MAP1B: variants seen among roughly 807,000 people sequenced by gnomAD.
The protein encoded by MAP1B is microtubule-associated protein 1B.
A neutral mutation model predicts 176.1 loss-of-function variants in MAP1B; 12 were observed. The ratio of observed to expected loss-of-function variants is 0.07; its 90% confidence interval spans 0.04 to 0.11. The LOEUF (loss-of-function observed/expected upper bound fraction) is 0.11, where lower values mean the gene tolerates loss of function less well. Among genes scored for constraint, MAP1B ranks in the 10% least tolerant of loss-of-function variants. MAP1B has a pLI of 1.00. For synonymous variants in MAP1B, 1,044 were observed against 1,135.0 expected (o/e 0.92, Z 1.61); for missense variants, 2,523 against 2,990.5 (o/e 0.84, Z 3.65).
At chr5:72,131,399 A>G (rs1745730481) in intron 2 of MAP1B, among the ~76,000 whole-genome samples, 1 of 152,132 alleles carries the variant, frequency 6.6e-6, no homozygotes, top group Non-Finnish European at 1.5e-5. Context: ...ATAGGTATAG[A>G]GTACGCAGAT....
At chr5:72,160,648 TG>T (rs1044392366) in intron 2 of MAP1B, among the ~76,000 whole-genome samples, 2 of 152,190 alleles carry the variant, frequency 1.3e-5, no homozygotes, top group Non-Finnish European at 2.9e-5. Context: ...TTCCATTCCT[TG>T]AGACAGATAT....
chr5:72,150,763 T>C (rs550697020), intron 2 of MAP1B, among the ~76,000 whole-genome samples: 2 of 152,346 alleles, frequency 1.3e-5, no homozygotes, highest in East Asian at 3.9e-4. Flanking sequence ...TTTGGTGTTC[T>C]GTTCCTGCAT....
chr5:72,159,355 C>T (rs983972842), intron 2 of MAP1B, among the ~76,000 whole-genome samples: 1 of 152,134 alleles, frequency 6.6e-6, no homozygotes, highest in Admixed American at 6.5e-5. Flanking sequence ...GGACTTATTT[C>T]TTAGGAGTCC....
chr5:72,206,357 G>A lies in MAP1B; in HGVS notation c.*1118G>A, dbSNP rs867918455. ...CCAACAGTTTGATGCTGAGTCATGC[G>A]TGTTGAATCCCACTTCAGTGCACCT... On this transcript the variant is annotated 3_prime_UTR_variant, in exon 7 of 7. Transcript: ENST00000296755. The A allele has an allele frequency of 6.5e-6, 1 of 152,694 alleles. No individual in the cohort carries two copies. Among genetic ancestry groups the A allele is most frequent in the Non-Finnish European group, 1.5e-5 (1 of 68,040 alleles). The allele number at this position is 152,694 out of a possible 1,614,324, so 9.5% of individuals were successfully genotyped here.
At chr5:72,125,398 A>G (rs1159164732) in intron 2 of MAP1B, among the ~76,000 whole-genome samples, 1 of 152,202 alleles carries the variant, frequency 6.6e-6, no homozygotes, top group Non-Finnish European at 1.5e-5. Flanking sequence ...AAAGGAGACA[A>G]TCCTTTCATT....
intron 4 of MAP1B, among the ~76,000 whole-genome samples, chr5:72,188,286 G>C (rs1580014796): frequency 2.0e-5 from 3 of 152,312 alleles, no homozygotes; most frequent in Admixed American, 2.0e-4. Context: ...CATTTGTCTA[G>C]TAGCTCTGGG....
chr5:72,140,329 T>C (rs1470017349), intron 2 of MAP1B, among the ~76,000 whole-genome samples: 1 of 152,202 alleles, frequency 6.6e-6, no homozygotes. Context: ...CATCTAAAAT[T>C]GAAACAAAAG....
rs180905374 is a variant in MAP1B, at chr5:72,205,455, T to A, written c.*216T>A. The A allele has an allele frequency of 1.5e-4, 74 of 501,488 alleles. No individual in the cohort carries two copies. The highest frequency in any genetic ancestry group is 8.6e-4 in the Admixed American group (23 of 26,850). 31.1% of individuals were successfully genotyped at this position (501,488 alleles called of 1,614,324 possible). A position where few individuals can be genotyped will look rare whatever the true frequency, so the allele number is the denominator to read the frequency against. On this transcript the variant is annotated 3_prime_UTR_variant, in exon 7 of 7. Coordinates refer to ENST00000296755, the MANE Select transcript of MAP1B (RefSeq NM_005909.5). ...AGTATTTCCACAATAGGGTTCAAATTCCTGCAAAATTACCTACCCCAGTTC... is the reference window on the plus strand; with the variant it reads ...AGTATTTCCACAATAGGGTTCAAATACCTGCAAAATTACCTACCCCAGTTC...
Position 72,205,437 on chromosome 5 carries a change from C to A in MAP1B, c.*198C>A, listed in dbSNP as rs1747425710. The A allele has an allele frequency of 3.6e-6, 2 of 553,172 alleles. No individual in the cohort carries two copies. The highest frequency in any genetic ancestry group is 6.3e-6 in the Non-Finnish European group (2 of 318,742). 34.3% of individuals were successfully genotyped at this position (553,172 alleles called of 1,614,324 possible). On this transcript the variant is annotated 3_prime_UTR_variant, in exon 7 of 7. Transcript: ENST00000296755. ...ATTGCTAAGGGAAATAACAGTATTT[C>A]CACAATAGGGTTCAAATTCCTGCAA...
intron 2 of MAP1B, among the ~76,000 whole-genome samples, chr5:72,136,112 C>G (rs1745834301): frequency 1.3e-5 from 2 of 152,164 alleles, no homozygotes; most frequent in South Asian, 4.1e-4. Context: ...GTGCTGAGTA[C>G]TTAAGTGTGC....
chr5:72,110,927 T>C (rs980914580), intron 1 of MAP1B, among the ~76,000 whole-genome samples: 74 of 152,284 alleles, frequency 4.9e-4, no homozygotes, highest in African/African-American at 1.6e-3. Context: ...AGAGAGATGG[T>C]CCCTCTTGCT....
At chr5:72,201,318 G>A (rs1747330865) in intron 5 of MAP1B, among the ~76,000 whole-genome samples, 1 of 151,938 alleles carries the variant, frequency 6.6e-6, no homozygotes, top group Non-Finnish European at 1.5e-5. Context: ...GCTGCAGTGA[G>A]CCAGAATTGT....
At chr5:72,140,037 C>G (rs1273081579) in intron 2 of MAP1B, among the ~76,000 whole-genome samples, 1 of 152,156 alleles carries the variant, frequency 6.6e-6, no homozygotes, top group Non-Finnish European at 1.5e-5. Context: ...TCTCAGCTCA[C>G]TGCAACCTCC....
Position 72,204,975 on chromosome 5 carries a change from C to G in MAP1B, c.7252-109C>G. ...TTCTTGAGGAAAATAGAAAAGTTTT[C>G]TCTCATTTCCCTTCTTCTTCCAGTG... On this transcript the variant is annotated intron_variant, in intron 6 of 6. Transcript: ENST00000296755. This position sits in a 1 kb window ranked among gnomAD's most constrained non-coding sequence, Gnocchi z 4.4. The G allele has an allele frequency of 2.1e-3, 1,326 of 621,462 alleles. No homozygotes were observed. Among genetic ancestry groups the G allele is most frequent in the Non-Finnish European group, 3.1e-3 (1,203 of 383,336 alleles). The allele number at this position is 621,462 out of a possible 1,614,324, so 38.5% of individuals were successfully genotyped here.
At chr5:72,170,839 C>T (rs776789965) in intron 2 of MAP1B, among the ~76,000 whole-genome samples, 34 of 149,894 alleles carry the variant, frequency 2.3e-4, no homozygotes, top group African/African-American at 7.5e-4. Flanking sequence ...CCCAGCTAGT[C>T]GGGAGGCTGA....
Position 72,128,576 on chromosome 5 carries a change from C to T in MAP1B, c.286+12777C>T, listed in dbSNP as rs1017859302. On this transcript the variant is annotated intron_variant, in intron 2 of 6. Coordinates refer to ENST00000296755, the MANE Select transcript of MAP1B (RefSeq NM_005909.5). ...TGTGCATACAGTGGGGTGCACCCGC[C>T]TCTAAGTCCCAACCATTTTTTTCTT... Among the ~76,000 whole-genome samples, 4 of 152,314 alleles carry T rather than the reference C, an allele frequency of 2.6e-5. No homozygotes were observed. In the South Asian group the frequency reaches 8.3e-4, roughly 32 times the overall value.
At chr5:72,107,799 C>T in intron 1 of MAP1B, 84 bp downstream of exon 1, 2 of 1,426,216 alleles carry the variant, frequency 1.4e-6, no homozygotes, top group East Asian at 2.4e-5. Context: ...CACTGCGCTC[C>T]TCCCGCGCGC....
intron 2 of MAP1B, among the ~76,000 whole-genome samples, chr5:72,137,375 A>G (rs913504109): frequency 1.3e-5 from 2 of 152,194 alleles, no homozygotes; most frequent in African/African-American, 4.8e-5. Context: ...ATGTTCCATG[A>G]CTATTGTTTT....
At chr5:72,125,525 T>G (rs142826222) in intron 2 of MAP1B, among the ~76,000 whole-genome samples, 11 of 152,342 alleles carry the variant, frequency 7.2e-5, no homozygotes, top group Non-Finnish European at 1.5e-4. Flanking sequence ...CTGCAGGCCA[T>G]AAGAAGACTT....
Sources: allele counts gnomAD v4.1 joint callset (sites outside exome capture counted in the v4.1 genomes callset), GRCh38; gene constraint gnomAD v4.1.1; non-coding constraint Gnocchi (gnomAD v3.1); transcripts MANE v1.5; gene names NCBI Gene and HGNC (gene_info 2026-07-23, HGNC 2026-07-21).